MED13: variants seen among roughly 807,000 people sequenced by gnomAD.
MED13 encodes mediator complex subunit 13, also known as mediator of RNA polymerase II transcription subunit 13.
MED13 carries 23 observed loss-of-function variants against 225.2 expected under a neutral mutation model. That is an observed-to-expected ratio of 0.10 (90% CI 0.07 to 0.14). The LOEUF (loss-of-function observed/expected upper bound fraction) is 0.14, where lower values mean the gene tolerates loss of function less well. MED13 is among the 10% of genes least tolerant of loss of function. MED13 has a pLI of 1.00. For missense variants in MED13, 2,197 were observed against 2,594.5 expected, an observed-to-expected ratio of 0.85 and a Z score of 3.33; for synonymous variants, 942 against 889.2, an observed-to-expected ratio of 1.06 and a Z score of -1.06.
Position 61,956,442 on chromosome 17 carries a change from T to C in MED13, c.5520A>G (p.Leu1840=), listed in dbSNP as rs1448212506. Reference sequence around the variant, plus strand: ...CTAAGCACCACTCCCAAAGTTTCTGTAGACCAAATTTTCTAGCAGAACTTT... The same window carrying C: ...CTAAGCACCACTCCCAAAGTTTCTGCAGACCAAATTTTCTAGCAGAACTTT... ...RKKSSARKFG[L]QKLWEWCLGL... is the part of the protein sequence containing the mutation. The change falls in exon 24 of 30, where the codon CTA becomes CTG. Residue 1840 remains leucine, a synonymous_variant. Coordinates refer to ENST00000397786, the MANE Select transcript of MED13 (RefSeq NM_005121.3). 5 of 1,612,938 alleles carry C rather than the reference T, an allele frequency of 3.1e-6. No individual in the cohort carries two copies. Among genetic ancestry groups the C allele is most frequent in the Middle Eastern group, 1.6e-4 (1 of 6,080 alleles).
intron 8 of MED13, among the ~76,000 whole-genome samples, chr17:62,028,718 G>A (rs1037490550): frequency 9.2e-5 from 14 of 151,504 alleles, no homozygotes; most frequent in African/African-American, 1.9e-4. Context: ...GGTGGCGGGC[G>A]CCTGTAGTCC....
rs575093990 is a variant in MED13, at chr17:62,031,758, T to C, written c.815-120A>G. 5.9e-4 allele frequency: 316 copies of C among 535,194 alleles called. No homozygotes were observed. The Middle Eastern group carries it at 9.9e-3, about 17-fold the overall frequency. The allele number at this position is 535,194 out of a possible 1,614,324, so 33.2% of individuals were successfully genotyped here. A position where few individuals can be genotyped will look rare whatever the true frequency, so the allele number is the denominator to read the frequency against. ...CATTTATACAAATAAAAATACATTT[T>C]TATAAATATAAGCTTCTTTGGCATA... On this transcript the variant is annotated intron_variant, in intron 5 of 29. Transcript: ENST00000397786.
chr17:61,972,701 A>G (rs747479949), intron 17 of MED13, 26 bp downstream of exon 17: 3 of 1,550,058 alleles, frequency 1.9e-6, no homozygotes, highest in Non-Finnish European at 2.6e-6. Flanking sequence ...AAAATTAGTC[A>G]TTATATATCA....
chr17:62,041,946 T>C (rs2080856336), intron 3 of MED13, among the ~76,000 whole-genome samples: 1 of 152,148 alleles, frequency 6.6e-6, no homozygotes, highest in Admixed American at 6.5e-5. Flanking sequence ...TCCAAACTTG[T>C]CTTACATTAG....
intron 16 of MED13, among the ~76,000 whole-genome samples, chr17:61,981,163 T>C (rs1190833254): frequency 5.9e-5 from 9 of 151,964 alleles, no homozygotes; most frequent in Admixed American, 5.3e-4. Flanking sequence ...GCTGGGATTA[T>C]AGGCGCCCAC....
intron 8 of MED13, among the ~76,000 whole-genome samples, chr17:62,012,818 G>A (rs551098342): frequency 8.0e-5 from 12 of 149,194 alleles, no homozygotes; most frequent in South Asian, 2.1e-4. Context: ...TTTTGAGACC[G>A]AGTCTCACTC....
intron 3 of MED13, among the ~76,000 whole-genome samples, chr17:62,038,703 G>A (rs2080827217): frequency 6.6e-6 from 1 of 152,084 alleles, no homozygotes; most frequent in African/African-American, 2.4e-5. Flanking sequence ...TTAGAGACAG[G>A]TTCTCACTGG....
chr17:61,982,964 CCTTGGAGTT>C lies in MED13; in HGVS notation c.3030_3038del (p.Thr1020_Arg1022del), dbSNP rs1483371283. On this transcript the variant is annotated inframe_deletion, in exon 16 of 30. Coordinates refer to ENST00000397786, the MANE Select transcript of MED13 (RefSeq NM_005121.3). ...GAGGAGTCCGAGGAGTCCTTGGAGTCCTTGGAGTTGGAAACCGAGGGGTGGATGGAGAAG... is the reference window on the plus strand; with the variant it reads ...GAGGAGTCCGAGGAGTCCTTGGAGTCGGAAACCGAGGGGTGGATGGAGAAG... The C allele has an allele frequency of 5.6e-5, 90 of 1,613,850 alleles. No homozygotes were observed. The highest frequency in any genetic ancestry group is 6.7e-5 in the African/African-American group (5 of 74,852).
chr17:62,026,805 AG>A (rs1479097467), intron 8 of MED13, among the ~76,000 whole-genome samples: 10 of 152,200 alleles, frequency 6.6e-5, no homozygotes, highest in African/African-American at 1.7e-4. Flanking sequence ...AGCCAAGATG[AG>A]AGCCAAATCA....
At chr17:61,953,139 T>C (rs1483095940) in intron 26 of MED13, 26 bp from the exon 27 acceptor site, 1 of 1,598,550 alleles carries the variant, frequency 6.3e-7, no homozygotes, top group Non-Finnish European at 8.5e-7. Flanking sequence ...AAAAGAAATT[T>C]AAAACTCCAT....
rs1178828752 is a variant in MED13 at position 62,029,598 on chromosome 17, T to C, written c.1226A>G (p.Lys409Arg). ...TTCAACAAAATCCCAGGATGCCACT[T>C]TAGCAGCTGTCGCTTCTTCGCATAG... ...GGLCEEATAA[K>R]VASWDFVEAT... The change falls in exon 8 of 30, where the codon AAA becomes AGA. Residue 409 changes from lysine to arginine, a missense_variant. Around this residue, in one of 12 missense-constraint regions of MED13, gnomAD observed 884 missense variants for 918.5 expected, o/e 0.96. Transcript: ENST00000397786. 6.2e-7 allele frequency: 1 copy of C among 1,614,198 alleles called. No individual in the cohort carries two copies. Among genetic ancestry groups the C allele is most frequent in the South Asian group, 1.1e-5 (1 of 91,082 alleles).
chr17:62,033,234 C>G (rs530086825), intron 5 of MED13, among the ~76,000 whole-genome samples: 1 of 152,056 alleles, frequency 6.6e-6, no homozygotes, highest in Non-Finnish European at 1.5e-5. Context: ...ATGCCAAAGT[C>G]ATAAATTCTT....
At chr17:61,985,181 C>A in intron 12 of MED13, 91 bp from the exon 13 acceptor site, 2 of 1,041,254 alleles carry the variant, frequency 1.9e-6, no homozygotes, top group Non-Finnish European at 2.9e-6. Flanking sequence ...ACAGTAAAGC[C>A]CATTCATTAA....
intron 4 of MED13, 107 bp downstream of exon 4, chr17:62,035,356 G>A: frequency 1.0e-6 from 1 of 952,594 alleles, no homozygotes; most frequent in South Asian, 2.1e-5. Flanking sequence ...ATCATCATTA[G>A]GCTAAAGATC....
intron 3 of MED13, among the ~76,000 whole-genome samples, chr17:62,037,728 G>A (rs1201890881): frequency 1.3e-5 from 2 of 151,480 alleles, no homozygotes; most frequent in Admixed American, 1.3e-4. Flanking sequence ...GGCAAGGCAG[G>A]TGGATCGTTT....
At chr17:61,954,045 G>A (rs1180344184) in intron 26 of MED13, among the ~76,000 whole-genome samples, 1 of 152,118 alleles carries the variant, frequency 6.6e-6, no homozygotes, top group Non-Finnish European at 1.5e-5. Flanking sequence ...ATGTGAATGT[G>A]GTCTCTCTCT....
chr17:62,034,190 A>T (rs2080782286), intron 4 of MED13, among the ~76,000 whole-genome samples: 1 of 152,200 alleles, frequency 6.6e-6, no homozygotes. Flanking sequence ...ACTGTTAAAA[A>T]TTTGTCTGCC....
intron 17 of MED13, among the ~76,000 whole-genome samples, chr17:61,971,192 TA>T (rs1369582458): frequency 2.0e-5 from 3 of 148,990 alleles, no homozygotes; most frequent in African/African-American, 2.5e-5. Flanking sequence ...CATATAGCCA[TA>T]AAAAAAGATA....
intron 9 of MED13, among the ~76,000 whole-genome samples, chr17:62,002,602 A>T (rs939085545): frequency 3.3e-5 from 5 of 152,156 alleles, no homozygotes; most frequent in Admixed American, 6.5e-5. Flanking sequence ...CACTTTCTAC[A>T]AGGAGACAAC....
Sources: allele counts gnomAD v4.1 joint callset (sites outside exome capture counted in the v4.1 genomes callset), GRCh38; gene constraint gnomAD v4.1.1; regional missense constraint gnomAD v4.1.1; transcripts MANE v1.5; gene names NCBI Gene and HGNC (gene_info 2026-07-23, HGNC 2026-07-21).